The following SBF2 variants were observed in gnomAD, a reference collection of about 807,000 sequenced individuals.
SBF2 encodes SET binding factor 2, also known as myotubularin-related protein 13.
A neutral mutation model predicts 225.2 loss-of-function variants in SBF2; 112 were observed. The observed-to-expected ratio is 0.50, with a 90% CI of 0.43 to 0.58. SBF2 has a LOEUF of 0.58. Among genes scored for constraint, SBF2 ranks in the 20% least tolerant of loss-of-function variants. The probability of loss-of-function intolerance (pLI) is 0.00; values close to 1 mark genes in which losing one functional copy is unlikely to be tolerated. For missense variants in SBF2, 1,996 were observed against 2,206.2 expected, an observed-to-expected ratio of 0.90 and a Z score of 1.91; for synonymous variants, 763 against 773.3, an observed-to-expected ratio of 0.99 and a Z score of 0.22.
intron 35 of SBF2, 40 bp downstream of exon 35, chr11:9,789,069 G>A (rs1231000903): frequency 6.4e-7 from 1 of 1,569,092 alleles, no homozygotes; most frequent in Non-Finnish European, 8.8e-7. Flanking sequence ...TGCCTCCAGG[G>A]CCCCTGGTGC....
chr11:10,069,712 C>G (rs12790283), intron 2 of SBF2, among the ~76,000 whole-genome samples: 1 of 152,150 alleles, frequency 6.6e-6, no homozygotes, highest in East Asian at 1.9e-4. Context: ...ATTTCTAGTT[C>G]TAGATCCTTG....
chr11:9,933,844 C>G (rs1864683340), intron 16 of SBF2, among the ~76,000 whole-genome samples: 1 of 152,128 alleles, frequency 6.6e-6, no homozygotes, highest in Non-Finnish European at 1.5e-5. Context: ...ACACAAAAAA[C>G]CTTTCAAAAA....
chr11:9,870,911 T>C (rs541079011), intron 17 of SBF2, among the ~76,000 whole-genome samples: 9 of 149,958 alleles, frequency 6.0e-5, no homozygotes, highest in African/African-American at 2.2e-4. Context: ...GAGGTGGAGG[T>C]TGCAGTGAGC....
At chr11:10,153,523 G>C (rs1156716969) in intron 2 of SBF2, among the ~76,000 whole-genome samples, 1 of 152,118 alleles carries the variant, frequency 6.6e-6, no homozygotes, top group Non-Finnish European at 1.5e-5. Flanking sequence ...TGCAGTTAAA[G>C]CAGCGCTTAA....
intron 2 of SBF2, among the ~76,000 whole-genome samples, chr11:10,141,359 A>G (rs924760531): frequency 2.0e-5 from 3 of 152,190 alleles, no homozygotes; most frequent in African/African-American, 4.8e-5. Context: ...TAATTTTTCC[A>G]TTTCAAACAG....
intron 2 of SBF2, among the ~76,000 whole-genome samples, chr11:10,059,306 T>A (rs927217742): frequency 6.6e-6 from 1 of 151,702 alleles, no homozygotes. Context: ...AGGCTCAAAA[T>A]AAAAGCATAG....
At chr11:10,167,863 C>T (rs73415034) in intron 2 of SBF2, among the ~76,000 whole-genome samples, 1,622 of 152,170 alleles carry the variant, frequency 0.011, 34 homozygotes, top group African/African-American at 0.037. Flanking sequence ...ACTAAAACTA[C>T]AAGTATCAGC....
chr11:9,797,310 G>A (rs1406263176), intron 32 of SBF2, among the ~76,000 whole-genome samples: 2 of 152,228 alleles, frequency 1.3e-5, no homozygotes, highest in Non-Finnish European at 2.9e-5. Flanking sequence ...CTGGTTTTCT[G>A]TGATCATTAA....
intron 16 of SBF2, among the ~76,000 whole-genome samples, chr11:9,912,085 G>A (rs1301845872): frequency 6.6e-6 from 1 of 152,032 alleles, no homozygotes; most frequent in East Asian, 1.9e-4. Flanking sequence ...GGGAGGCTAA[G>A]GCAGGCAAAT....
chr11:9,946,437 T>TTTTCTTTCTTTCTTTC (rs149020480), intron 16 of SBF2, among the ~76,000 whole-genome samples: 1 of 148,558 alleles, frequency 6.7e-6, no homozygotes, highest in Non-Finnish European at 1.5e-5. Flanking sequence ...ATATTTCTTT[T>TTTTCTTTCTTTCTTTC]TTTCTTTCTT....
At chr11:10,102,699 AT>A (rs370955570) in intron 2 of SBF2, among the ~76,000 whole-genome samples, 1 of 151,998 alleles carries the variant, frequency 6.6e-6, no homozygotes, top group African/African-American at 2.4e-5. Context: ...GAAGGGTATT[AT>A]TTTTTTCTGC....
At chr11:10,132,287 ACT>A (rs998003590) in intron 2 of SBF2, among the ~76,000 whole-genome samples, 1 of 151,738 alleles carries the variant, frequency 6.6e-6, no homozygotes, top group Admixed American at 6.6e-5. Flanking sequence ...AGCTCCTAAA[ACT>A]CTTGTAATTT....
intron 1 of SBF2, among the ~76,000 whole-genome samples, chr11:10,259,335 T>C (rs775733761): frequency 1.3e-5 from 2 of 152,182 alleles, no homozygotes; most frequent in African/African-American, 2.4e-5. Flanking sequence ...TCCACCTCAG[T>C]AAGGCTGCAA....
At chr11:10,020,280 G>A (rs551790281) in intron 6 of SBF2, among the ~76,000 whole-genome samples, 15 of 152,060 alleles carry the variant, frequency 9.9e-5, no homozygotes, top group East Asian at 7.8e-4. Flanking sequence ...CTTCCTCTAG[G>A]AACACTGGAT....
At chr11:9,911,540 A>G (rs1354479290) in intron 16 of SBF2, among the ~76,000 whole-genome samples, 1 of 152,196 alleles carries the variant, frequency 6.6e-6, no homozygotes, top group Non-Finnish European at 1.5e-5. Context: ...AAGTTATAGC[A>G]AGCTAAGTTT....
At chr11:10,177,428 T>G (rs61892566) in intron 2 of SBF2, among the ~76,000 whole-genome samples, 15,548 of 149,064 alleles carry the variant, frequency 0.1, 978 homozygotes, top group Non-Finnish European at 0.11. Context: ...GACATGATTG[T>G]ATATCTAGAA....
chr11:10,176,621 C>G (rs1478392822), intron 2 of SBF2, among the ~76,000 whole-genome samples: 1 of 152,150 alleles, frequency 6.6e-6, no homozygotes, highest in African/African-American at 2.4e-5. Flanking sequence ...GACATATACA[C>G]CCTCCCAAGA....
intron 2 of SBF2, among the ~76,000 whole-genome samples, chr11:10,183,268 C>T (rs886120066): frequency 1.3e-5 from 2 of 152,180 alleles, no homozygotes; most frequent in South Asian, 4.1e-4. Context: ...CTCATTTCTT[C>T]CAGCGTCCTC....
At chr11:10,093,161 T>G (rs1420421924) in intron 2 of SBF2, among the ~76,000 whole-genome samples, 2 of 151,696 alleles carry the variant, frequency 1.3e-5, no homozygotes, top group Admixed American at 6.6e-5. Flanking sequence ...AGACTGCAGG[T>G]GCATCCCACC....
Sources: gnomAD v4.1 joint callset for allele counts (sites outside exome capture counted in the v4.1 genomes callset) on GRCh38, gnomAD v4.1.1 for gene constraint, MANE v1.5 for transcripts, NCBI Gene and HGNC (gene_info 2026-07-23, HGNC 2026-07-21) for gene names.